RCBTB1: variants seen among roughly 807,000 people sequenced by gnomAD.
RCBTB1 encodes the protein RCC1 and BTB domain containing protein 1.
A neutral mutation model predicts 62.4 loss-of-function variants in RCBTB1; 46 were observed. That is an observed-to-expected ratio of 0.74 (90% CI 0.58 to 0.94). The LOEUF (loss-of-function observed/expected upper bound fraction) is 0.94, where lower values mean the gene tolerates loss of function less well. Among genes scored for constraint, RCBTB1 ranks in the 40% least tolerant of loss-of-function variants. RCBTB1 has a pLI of 0.00. For synonymous variants in RCBTB1, 222 were observed against 245.8 expected (o/e 0.90, Z 0.91); for missense variants, 565 against 654.9 (o/e 0.86, Z 1.50).
At chr13:49,577,058 C>G (rs549280613) in intron 2 of RCBTB1, among the ~76,000 whole-genome samples, 11 of 152,318 alleles carry the variant, frequency 7.2e-5, no homozygotes, top group Non-Finnish European at 1.0e-4. Context: ...ATCCCATTCC[C>G]TGGGATGGCT....
intron 1 of RCBTB1, among the ~76,000 whole-genome samples, chr13:49,584,622 A>T (rs894707396): frequency 1.3e-5 from 2 of 152,206 alleles, no homozygotes; most frequent in African/African-American, 4.8e-5. Flanking sequence ...CACCAGTTTC[A>T]GAAACTCAGT....
chr13:49,543,204 C>T (rs1313415738), intron 10 of RCBTB1, among the ~76,000 whole-genome samples: 1 of 151,908 alleles, frequency 6.6e-6, no homozygotes, highest in Non-Finnish European at 1.5e-5. Context: ...GTGGAGGTTG[C>T]AGTGAGCTGG....
intron 2 of RCBTB1, among the ~76,000 whole-genome samples, chr13:49,575,726 T>C (rs1364882467): frequency 6.6e-6 from 1 of 151,818 alleles, no homozygotes; most frequent in Non-Finnish European, 1.5e-5. Flanking sequence ...CAACAGACAC[T>C]GGAGACTACT....
At chr13:49,551,911 A>C (rs1961387772) in intron 7 of RCBTB1, among the ~76,000 whole-genome samples, 1 of 151,550 alleles carries the variant, frequency 6.6e-6, no homozygotes, top group African/African-American at 2.4e-5. Context: ...AAAAAAAAAA[A>C]AAAAAAGCAT....
chr13:49,562,789 T>C (rs1211926122), intron 4 of RCBTB1, among the ~76,000 whole-genome samples: 2 of 139,474 alleles, frequency 1.4e-5, no homozygotes, highest in Admixed American at 7.3e-5. Context: ...TTTTTTTTTT[T>C]TTTTTTTTTT....
chr13:49,560,239 A>G (rs762149652), intron 4 of RCBTB1, among the ~76,000 whole-genome samples, 155 bp from the exon 5 acceptor site: 8 of 152,182 alleles, frequency 5.3e-5, no homozygotes, highest in Non-Finnish European at 1.0e-4. Context: ...AGTAAAGGAG[A>G]GAGAGATGGG....
rs111297270 is a variant in RCBTB1 at position 49,562,163 on chromosome 13, C to T, written c.278-2079G>A. Among the ~76,000 whole-genome samples, 128 of 150,468 alleles carry T rather than the reference C, an allele frequency of 8.5e-4. 1 individual carries two copies. Among genetic ancestry groups the T allele is most frequent in the African/African-American group, 2.9e-3 (120 of 41,066 alleles). ...ATTCTAAATAATCTCAAATAGAAGA[C>T]GCTGAATCCATGAAACAATAGCAAC... On this transcript the variant is annotated intron_variant, in intron 4 of 12. Transcript: ENST00000378302.
intron 10 of RCBTB1, among the ~76,000 whole-genome samples, chr13:49,544,481 C>T (rs12019951): frequency 3.4e-5 from 1 of 29,118 alleles, no homozygotes; most frequent in African/African-American, 6.2e-5. Context: ...AAGAAACAAA[C>T]AAACAAACAA....
Position 49,549,532 on chromosome 13 carries a change from G to A in RCBTB1, c.971C>T (p.Thr324Ile). 3 of 1,614,064 alleles carry A rather than the reference G, an allele frequency of 1.9e-6. No individual in the cohort carries two copies. Among genetic ancestry groups the A allele is most frequent in the Non-Finnish European group, 2.5e-6 (3 of 1,179,978 alleles). Residue 324 changes from threonine (T) to isoleucine (I), a missense_variant, in exon 9 of 13, where the codon ACC (threonine) becomes ATC (isoleucine). Physicochemically the swap from Thr to Ile is moderately conservative, Grantham distance 89. Transcript: ENST00000378302. ...RGQSVILPHL[T>I]HFSCTDDVFA... ...CACGTCGTCGGTGCAGGAGAAGTGGGTGAGGTGCGGGAGGATCACGGACTG... is the reference window on the plus strand; with the variant it reads ...CACGTCGTCGGTGCAGGAGAAGTGGATGAGGTGCGGGAGGATCACGGACTG...
At chr13:49,561,401 C>T (rs1393292148) in intron 4 of RCBTB1, among the ~76,000 whole-genome samples, 1 of 152,026 alleles carries the variant, frequency 6.6e-6, no homozygotes, top group Non-Finnish European at 1.5e-5. Context: ...ATGACAGAAA[C>T]CATAAATGGG....
intron 4 of RCBTB1, 49 bp downstream of exon 4, chr13:49,566,569 A>G: frequency 6.3e-7 from 1 of 1,574,942 alleles, no homozygotes; most frequent in East Asian, 2.2e-5. Flanking sequence ...CTTAGAATTA[A>G]CCGGTCAATT....
chr13:49,569,877 T>C (rs1455820968), intron 2 of RCBTB1, among the ~76,000 whole-genome samples: 2 of 152,002 alleles, frequency 1.3e-5, no homozygotes, highest in Non-Finnish European at 2.9e-5. Flanking sequence ...CGCTGCACTC[T>C]AACCTGGGTG....
At chr13:49,551,256 C>T (rs1186686258) in intron 8 of RCBTB1, 70 bp downstream of exon 8, 52 of 1,553,284 alleles carry the variant, frequency 3.3e-5, no homozygotes, top group Non-Finnish European at 4.6e-5. Flanking sequence ...CCAAACACCA[C>T]AGCTCTGCCA....
chr13:49,573,021 T>C (rs554706434), intron 2 of RCBTB1, among the ~76,000 whole-genome samples: 4 of 152,234 alleles, frequency 2.6e-5, no homozygotes, highest in African/African-American at 7.2e-5. Context: ...TTCCTTCCCA[T>C]GGTGCTATGG....
chr13:49,585,186 C>G (rs1158131706), intron 1 of RCBTB1, among the ~76,000 whole-genome samples: 1 of 152,204 alleles, frequency 6.6e-6, no homozygotes, highest in African/African-American at 2.4e-5. Flanking sequence ...GCAGGGAAAA[C>G]TTTCCCTCGC....
At chr13:49,547,235 G>T in intron 9 of RCBTB1, 1 of 1,191,512 alleles carries the variant, frequency 8.4e-7, no homozygotes, top group Non-Finnish European at 1.1e-6. Context: ...GTGAAAGGGA[G>T]TATTCAATTG....
At chr13:49,577,356 T>C (rs1406738376) in intron 2 of RCBTB1, among the ~76,000 whole-genome samples, 1 of 152,222 alleles carries the variant, frequency 6.6e-6, no homozygotes, top group African/African-American at 2.4e-5. Flanking sequence ...AACATGCTTA[T>C]GGAGATTTTA....
At chr13:49,573,024 T>TTTGTCCATTATTATATTA (rs1482449918) in intron 2 of RCBTB1, among the ~76,000 whole-genome samples, 28 of 152,186 alleles carry the variant, frequency 1.8e-4, no homozygotes, top group African/African-American at 6.5e-4. Context: ...CTTCCCATGG[T>TTTGTCCATTATTATATTA]GCTATGGTTT....
chr13:49,564,705 C>G (rs1036347658), intron 4 of RCBTB1, among the ~76,000 whole-genome samples: 1 of 150,152 alleles, frequency 6.7e-6, no homozygotes, highest in Non-Finnish European at 1.5e-5. Flanking sequence ...TCCTGGCTAA[C>G]ACGGTGAAAC....
Sources: allele counts gnomAD v4.1 joint callset (sites outside exome capture counted in the v4.1 genomes callset), GRCh38; gene constraint gnomAD v4.1.1; transcripts MANE v1.5; gene names NCBI Gene and HGNC (gene_info 2026-07-23, HGNC 2026-07-21).